The following NRXN3 variants were observed in gnomAD, a reference collection of about 807,000 sequenced individuals.
The protein encoded by NRXN3 is neurexin III.
A neutral mutation model predicts 137.6 loss-of-function variants in NRXN3; 32 were observed. The observed-to-expected ratio is 0.23, with a 90% CI of 0.18 to 0.31. NRXN3 has a LOEUF of 0.31. NRXN3 is among the 10% of genes least tolerant of loss of function. The probability of loss-of-function intolerance (pLI) is 1.00; values close to 1 mark genes in which losing one functional copy is unlikely to be tolerated. For missense variants in NRXN3, 1,574 were observed against 2,062.5 expected, an observed-to-expected ratio of 0.76 and a Z score of 4.59; for synonymous variants, 798 against 784.5, an observed-to-expected ratio of 1.02 and a Z score of -0.29.
chr14:79,092,818 T>C (rs946856637), intron 15 of NRXN3, among the ~76,000 whole-genome samples: 7 of 152,140 alleles, frequency 4.6e-5, no homozygotes, highest in African/African-American at 1.2e-4. Flanking sequence ...TGAGAGACCC[T>C]TGGGTCTCCT....
rs138835952 is a variant in NRXN3, at chr14:79,476,427, C to T, written c.3444+9025C>T. Among the ~76,000 whole-genome samples, 81 of 152,162 alleles carry T rather than the reference C, an allele frequency of 5.3e-4. 1 individual carries two copies. The highest frequency in any genetic ancestry group is 3.4e-3 in the Middle Eastern group (1 of 294). On this transcript the variant is annotated intron_variant, in intron 16 of 20. Transcript: ENST00000335750. ...GATATTTAGATAGGCCCTGTTGATA[C>T]GACCAAGCTAACCTTCATCCTGAAA...
chr14:79,130,815 C>G (rs1364202066), intron 15 of NRXN3, among the ~76,000 whole-genome samples: 1 of 152,146 alleles, frequency 6.6e-6, no homozygotes, highest in African/African-American at 2.4e-5. Flanking sequence ...TTCAGGTACA[C>G]CAATCAGACG....
intron 15 of NRXN3, among the ~76,000 whole-genome samples, chr14:79,445,815 A>G (rs1486431374): frequency 6.6e-6 from 1 of 152,204 alleles, no homozygotes; most frequent in African/African-American, 2.4e-5. Flanking sequence ...GGCAAGGGTC[A>G]GATCATGGAG....
chr14:79,810,792 T>C (rs1290115718), intron 20 of NRXN3, among the ~76,000 whole-genome samples: 1 of 152,228 alleles, frequency 6.6e-6, no homozygotes, highest in Non-Finnish European at 1.5e-5. Flanking sequence ...TTACTTTTTA[T>C]TTGCTGGAAC....
chr14:79,251,819 T>G (rs192994542), intron 15 of NRXN3, among the ~76,000 whole-genome samples: 7 of 152,014 alleles, frequency 4.6e-5, no homozygotes, highest in Non-Finnish European at 1.0e-4. Context: ...TCTTTTTGTT[T>G]CTTTTCTTTT....
chr14:78,172,665 G>A (rs948777342), intron 1 of NRXN3, among the ~76,000 whole-genome samples: 5 of 152,154 alleles, frequency 3.3e-5, no homozygotes, highest in African/African-American at 9.7e-5. Flanking sequence ...GGGGGAAAAG[G>A]CTGGACACTG....
chr14:78,963,128 C>A (rs1555621692), intron 11 of NRXN3, among the ~76,000 whole-genome samples: 2 of 152,044 alleles, frequency 1.3e-5, no homozygotes, highest in Non-Finnish European at 2.9e-5. Flanking sequence ...TTGTACTTAT[C>A]CACATCCACG....
At chr14:79,409,681 C>T (rs1460710744) in intron 15 of NRXN3, among the ~76,000 whole-genome samples, 3 of 141,536 alleles carry the variant, frequency 2.1e-5, no homozygotes, top group African/African-American at 7.8e-5. Context: ...AATGAAATGC[C>T]TACATTACAT....
At position 79,494,996 on chromosome 14, in the gene NRXN3, G is replaced by A. The variant is rs111291632; in HGVS notation, c.3444+27594G>A. Among the ~76,000 whole-genome samples, 144 of 152,224 alleles carry A rather than the reference G, an allele frequency of 9.5e-4. 4 individuals are homozygous for A. In the South Asian group the frequency reaches 0.02, roughly 21 times the overall value. On this transcript the variant is annotated intron_variant, in intron 16 of 20. Coordinates refer to ENST00000335750, the MANE Select transcript of NRXN3 (RefSeq NM_001330195.2). The stretch of plus-strand genomic sequence containing the variant: ...AACGTATATTTGTCAGATCAATACC[G>A]TCCTTTCTATCTTTCCTTTCTCCAC...
At chr14:78,971,810 G>A (rs31409) in intron 14 of NRXN3, among the ~76,000 whole-genome samples, 51,736 of 151,670 alleles carry the variant, frequency 0.34, 11,486 homozygotes, top group African/African-American at 0.62. Flanking sequence ...TAATTTTTGT[G>A]TTTTTAGTAG....
chr14:79,073,146 C>T (rs1202470143), intron 15 of NRXN3, among the ~76,000 whole-genome samples: 2 of 152,128 alleles, frequency 1.3e-5, no homozygotes, highest in African/African-American at 2.4e-5. Flanking sequence ...CTCCGCCTCC[C>T]AAAGTGCTTG....
At chr14:78,798,665 A>C (rs1022093109) in intron 8 of NRXN3, among the ~76,000 whole-genome samples, 9 of 152,174 alleles carry the variant, frequency 5.9e-5, no homozygotes, top group African/African-American at 2.2e-4. Flanking sequence ...GCCCTAGCAG[A>C]GGCTCTCCAT....
intron 4 of NRXN3, among the ~76,000 whole-genome samples, chr14:78,508,143 CT>C (rs1488370678): frequency 6.6e-6 from 1 of 152,198 alleles, no homozygotes; most frequent in Non-Finnish European, 1.5e-5. Flanking sequence ...ATATGCTCTT[CT>C]AGCATGAAAT....
chr14:78,610,988 C>T (rs1207787579), intron 4 of NRXN3, among the ~76,000 whole-genome samples: 1 of 152,114 alleles, frequency 6.6e-6, no homozygotes, highest in Non-Finnish European at 1.5e-5. Flanking sequence ...GTCATGTTCC[C>T]CTGCCCCTGG....
chr14:78,330,436 AGGTGGGCTT>A (rs1291615741), intron 4 of NRXN3, among the ~76,000 whole-genome samples: 2 of 152,100 alleles, frequency 1.3e-5, no homozygotes, highest in Admixed American at 6.6e-5. Context: ...CACCTAATTT[AGGTGGGCTT>A]GGTACACTGT....
At chr14:78,282,513 G>A (rs1335429621) in intron 3 of NRXN3, 1 of 184,306 alleles carries the variant, frequency 5.4e-6, no homozygotes, top group Admixed American at 5.4e-5. Context: ...GTGACCTTGT[G>A]GAAGTGCCCT....
chr14:79,208,360 A>G (rs1290827285), intron 15 of NRXN3, among the ~76,000 whole-genome samples: 1 of 152,064 alleles, frequency 6.6e-6, no homozygotes, highest in Non-Finnish European at 1.5e-5. Context: ...ATCATGGTTC[A>G]TTTTTTTCTA....
chr14:78,506,104 C>T (rs775631690), intron 4 of NRXN3, among the ~76,000 whole-genome samples: 7 of 152,082 alleles, frequency 4.6e-5, no homozygotes, highest in Non-Finnish European at 1.0e-4. Flanking sequence ...GAGCCTATAT[C>T]CATTGAACAA....
At chr14:79,133,949 AAAG>A (rs1325779990) in intron 15 of NRXN3, among the ~76,000 whole-genome samples, 6 of 123,040 alleles carry the variant, frequency 4.9e-5, no homozygotes, top group East Asian at 3.1e-4. Context: ...AAAAAAAAAA[AAAG>A]GAAAGAAAAA....
Sources: allele counts gnomAD v4.1 joint callset (sites outside exome capture counted in the v4.1 genomes callset), GRCh38; gene constraint gnomAD v4.1.1; transcripts MANE v1.5; gene names NCBI Gene and HGNC (gene_info 2026-07-23, HGNC 2026-07-21).